Variants in SMG1 observed in about 807,000 individuals in gnomAD.
The protein encoded by SMG1 is serine/threonine-protein kinase SMG1.
In SMG1, 22 loss-of-function variants were observed where a neutral mutation model predicts 419.9. That is an observed-to-expected ratio of 0.05 (90% CI 0.04 to 0.07). The LOEUF (loss-of-function observed/expected upper bound fraction) is 0.07. Ranked by LOEUF, SMG1 falls within the 10% of genes least tolerant of loss-of-function variation. The pLI is 1.00. For synonymous variants in SMG1, 1,538 were observed against 1,553.5 expected, an observed-to-expected ratio of 0.99 and a Z score of 0.23; for missense variants, 3,185 against 4,342.0, an observed-to-expected ratio of 0.73 and a Z score of 7.49.
intron 33 of SMG1, 100 bp downstream of exon 33, chr16:18,851,967 G>A (rs1052669486): frequency 3.3e-6 from 4 of 1,223,794 alleles, no homozygotes; most frequent in South Asian, 1.9e-5. Context: ...ACAACAATTG[G>A]TAAGCCCCAT....
chr16:18,887,200 T>C (rs1387559385), intron 6 of SMG1, among the ~76,000 whole-genome samples: 7 of 152,208 alleles, frequency 4.6e-5, no homozygotes, highest in Non-Finnish European at 1.0e-4. Context: ...TATCTTTCTA[T>C]GAATGTGAGA....
Position 18,919,132 on chromosome 16 carries a change from G to A in SMG1, c.92+6818C>T, listed in dbSNP as rs191463167. Among the ~76,000 whole-genome samples the A allele has an allele frequency of 5.3e-5, 8 of 152,172 alleles. No individual in the cohort carries two copies. In the East Asian group the frequency reaches 1.5e-3, roughly 29 times the overall value. ...ACTTGAGGTCAGAAGTTCGAGACCA[G>A]CCTGGTCGACATGGTGAAACCCCAT... On this transcript the variant is annotated intron_variant, in intron 1 of 62. Transcript: ENST00000446231.
intron 20 of SMG1, 73 bp downstream of exon 20, chr16:18,869,031 C>T (rs1029311292): frequency 7.6e-7 from 1 of 1,320,290 alleles, no homozygotes; most frequent in African/African-American, 1.5e-5. Context: ...AAATCTTTAA[C>T]AAAGATTTAA....
rs2035162041 is a variant in SMG1, at chr16:18,860,590, T to C, written c.3805+77A>G. Reference sequence around the variant, plus strand: ...AAAATGTAAAATAACTTCCAGATTTTCCAGTAAAATATACTAAGCCAAACA... The same window carrying C: ...AAAATGTAAAATAACTTCCAGATTTCCCAGTAAAATATACTAAGCCAAACA... On this transcript the variant is annotated intron_variant, in intron 26 of 62. Coordinates refer to ENST00000446231, the MANE Select transcript of SMG1 (RefSeq NM_015092.5). 3 of 666,964 alleles carry C rather than the reference T, an allele frequency of 4.5e-6. No individual in the cohort carries two copies. The East Asian group carries it at 8.3e-5, about 18-fold the overall frequency. The allele number at this position is 666,964 out of a possible 1,614,324, so 41.3% of individuals were successfully genotyped here.
chr16:18,880,721 A>AG (rs35134931), intron 10 of SMG1, among the ~76,000 whole-genome samples: 1,911 of 63,902 alleles, frequency 0.03, 247 homozygotes, highest in African/African-American at 0.092. Context: ...CAAAAAAAAA[A>AG]GGGGGGGGGC....
At position 18,847,805 on chromosome 16, in the gene SMG1, T is replaced by G; in HGVS notation, c.5841+11A>C. The G allele has an allele frequency of 6.2e-7, 1 of 1,608,698 alleles. No individual in the cohort carries two copies. The highest frequency in any genetic ancestry group is 8.5e-7 in the Non-Finnish European group (1 of 1,177,856). On this transcript the variant is annotated intron_variant, in intron 37 of 62. Coordinates refer to ENST00000446231, the MANE Select transcript of SMG1 (RefSeq NM_015092.5). The stretch of plus-strand genomic sequence containing the variant: ...AAAAAATTCTTCTACAACATGTGAG[T>G]TTCTTTGTACCTGTAATACCATGGT...
At chr16:18,835,533 T>C (rs191368211) in intron 48 of SMG1, among the ~76,000 whole-genome samples, 2 of 152,228 alleles carry the variant, frequency 1.3e-5, no homozygotes, top group Admixed American at 1.3e-4. Context: ...CCCAGCTACT[T>C]GGGAGGCTGA....
chr16:18,898,006 A>G (rs1293418854), intron 1 of SMG1, among the ~76,000 whole-genome samples: 1 of 152,224 alleles, frequency 6.6e-6, no homozygotes, highest in African/African-American at 2.4e-5. Context: ...GCAAGGCCAG[A>G]CACTAAGCTA....
rs568916885 is a variant in SMG1, at chr16:18,805,210, G to A, written c.*4359C>T. 2.0e-5 allele frequency: 3 copies of A among 152,214 alleles called. No individual in the cohort carries two copies. The highest frequency in any genetic ancestry group is 2.1e-4 in the South Asian group (1 of 4,826). The allele number at this position is 152,214 out of a possible 1,614,324, so 9.4% of individuals were successfully genotyped here. On this transcript the variant is annotated 3_prime_UTR_variant, in exon 63 of 63. Coordinates refer to ENST00000446231, the MANE Select transcript of SMG1 (RefSeq NM_015092.5). ...CTGACATTACAGGTGGAAATATAAG[G>A]GAAATTTAAACCAGAAAAATGACAC...
rs2038411175 is a variant in SMG1, at chr16:18,926,351, G to GGACGAGGAC, written c.-319_-311dup. On this transcript the variant is annotated 5_prime_UTR_variant, in exon 1 of 63. Transcript: ENST00000446231. ...CGGCCCACGTCGCCGGGGCCCCGGA[G>GGACGAGGAC]GACGAGGACGACGAGGAGCAGGCGG... 2.9e-6 allele frequency: 1 copy of GGACGAGGAC among 341,680 alleles called. No individual in the cohort carries two copies. The highest frequency in any genetic ancestry group is 5.3e-6 in the Non-Finnish European group (1 of 188,436). 21.2% of individuals were successfully genotyped at this position (341,680 alleles called of 1,614,324 possible). A position where few individuals can be genotyped will look rare whatever the true frequency, so the allele number is the denominator to read the frequency against.
chr16:18,830,553 C>T lies in SMG1; in HGVS notation c.8793-184G>A, dbSNP rs147397165. Among the ~76,000 whole-genome samples the T allele has an allele frequency of 4.6e-3, 697 of 152,114 alleles. 1 individual carries two copies. The highest frequency in any genetic ancestry group is 0.014 in the Middle Eastern group (4 of 294). On this transcript the variant is annotated intron_variant, in intron 51 of 62. Coordinates refer to ENST00000446231, the MANE Select transcript of SMG1 (RefSeq NM_015092.5). ...CCTGTAATCCAGCACTTTGGCAGGCCGAGGTGGGCAGATCACCTGAGGTCA... is the reference window on the plus strand; with the variant it reads ...CCTGTAATCCAGCACTTTGGCAGGCTGAGGTGGGCAGATCACCTGAGGTCA...
In SMG1 at chr16:18,882,356, G is replaced by C; in HGVS notation, c.1120-18C>G. On this transcript the variant is annotated intron_variant, in intron 9 of 62. Transcript: ENST00000446231. ...CTGAGGTCCTAGATGTGAATTCACA[G>C]CATTCTTAATAAGTAGTACATTGTT... 6.6e-7 allele frequency: 1 copy of C among 1,505,214 alleles called. No individual in the cohort carries two copies. The highest frequency in any genetic ancestry group is 9.0e-7 in the Non-Finnish European group (1 of 1,108,440). The allele number at this position is 1,505,214 out of a possible 1,614,324, so 93.2% of individuals were successfully genotyped here.
At chr16:18,830,398 T>G in intron 51 of SMG1, 29 bp from the exon 52 acceptor site, 1 of 1,612,036 alleles carries the variant, frequency 6.2e-7, no homozygotes. Context: ...AGTTAAAACC[T>G]TCGCTGAAAA....
At chr16:18,863,090 T>C (rs181744054) in intron 25 of SMG1, among the ~76,000 whole-genome samples, 1 of 152,370 alleles carries the variant, frequency 6.6e-6, no homozygotes, top group African/African-American at 2.4e-5. Context: ...TCATAGTACA[T>C]GCTCAGTGAA....
At chr16:18,816,101 T>C in intron 58 of SMG1, 1 of 582,796 alleles carries the variant, frequency 1.7e-6, no homozygotes, top group Admixed American at 3.2e-5. Context: ...TTAGCTTCTC[T>C]GTGTATGAAA....
At chr16:18,872,803 C>CGT (rs2141617033) in intron 13 of SMG1, among the ~76,000 whole-genome samples, 179 bp from the exon 14 acceptor site, 1 of 152,296 alleles carries the variant, frequency 6.6e-6, no homozygotes, top group Admixed American at 6.5e-5. Flanking sequence ...AAAGCCTTTG[C>CGT]GTGCAATATA....
At position 18,807,202 on chromosome 16, in the gene SMG1, G is replaced by A. The variant is rs1458680899; in HGVS notation, c.*2367C>T. 1 of 152,174 alleles carries A rather than the reference G, an allele frequency of 6.6e-6. No homozygotes were observed. Among genetic ancestry groups the A allele is most frequent in the Non-Finnish European group, 1.5e-5 (1 of 68,024 alleles). The allele number at this position is 152,174 out of a possible 1,614,324, so 9.4% of individuals were successfully genotyped here. A position where few individuals can be genotyped will look rare whatever the true frequency, so the allele number is the denominator to read the frequency against. ...TCACCTATTTATCTTCTTTACCAAAGAGAAAGCAATTTCTGAATACTATCT... is the reference window on the plus strand; with the variant it reads ...TCACCTATTTATCTTCTTTACCAAAAAGAAAGCAATTTCTGAATACTATCT... On this transcript the variant is annotated 3_prime_UTR_variant, in exon 63 of 63. Transcript: ENST00000446231.
In SMG1 at chr16:18,926,294, AG is replaced by A. The variant is rs1365068781; in HGVS notation, c.-254del. 6.3e-6 allele frequency: 3 copies of A among 472,646 alleles called. No individual in the cohort carries two copies. Among genetic ancestry groups the A allele is most frequent in the African/African-American group, 6.3e-5 (3 of 47,322 alleles). The allele number at this position is 472,646 out of a possible 1,614,324, so 29.3% of individuals were successfully genotyped here. Reference sequence around the variant, plus strand: ...GGCGCGGTGAGAGAGAGGCGGATGAAGGGGAGGCGACGTCTTTTCCAGGGCC... The same window carrying A: ...GGCGCGGTGAGAGAGAGGCGGATGAAGGGAGGCGACGTCTTTTCCAGGGCC... On this transcript the variant is annotated 5_prime_UTR_variant, in exon 1 of 63. Coordinates refer to ENST00000446231, the MANE Select transcript of SMG1 (RefSeq NM_015092.5).
intron 4 of SMG1, among the ~76,000 whole-genome samples, chr16:18,891,799 T>G (rs936977790): frequency 3.9e-5 from 6 of 152,360 alleles, no homozygotes; most frequent in African/African-American, 1.4e-4. Flanking sequence ...TATACTTTGT[T>G]ACATTTCTGT....
Sources: allele counts gnomAD v4.1 joint callset (sites outside exome capture counted in the v4.1 genomes callset), GRCh38; gene constraint gnomAD v4.1.1; transcripts MANE v1.5; gene names NCBI Gene and HGNC (gene_info 2026-07-23, HGNC 2026-07-21).